The following DOCK1 variants were observed in gnomAD, a reference collection of about 807,000 sequenced individuals.
DOCK1 encodes the protein dedicator of cytokinesis protein 1.
DOCK1 carries 138 observed loss-of-function variants against 262.7 expected under a neutral mutation model. The ratio of observed to expected loss-of-function variants is 0.53; its 90% CI spans 0.46 to 0.61. The LOEUF (loss-of-function observed/expected upper bound fraction) is 0.61, where lower values mean the gene tolerates loss of function less well. Among genes scored for constraint, DOCK1 ranks in the 20% least tolerant of loss-of-function variants. DOCK1 has a pLI of 0.00. For missense variants in DOCK1, 1,908 were observed against 2,370.7 expected (o/e 0.80, Z 4.05); for synonymous variants, 866 against 867.4 (o/e 1.00, Z 0.03).
chr10:126,938,652 G>T (rs2034719271), intron 1 of DOCK1, among the ~76,000 whole-genome samples: 1 of 152,158 alleles, frequency 6.6e-6, no homozygotes, highest in African/African-American at 2.4e-5. Context: ...TGGAGGCTGG[G>T]AAGTCCAAGA....
At chr10:127,272,214 C>T (rs925930289) in intron 29 of DOCK1, 1 of 152,150 alleles carries the variant, frequency 6.6e-6, no homozygotes, top group African/African-American at 2.4e-5. Flanking sequence ...TTGTGTTATT[C>T]GCGTTATTCT....
chr10:126,996,834 C>A lies in DOCK1; in HGVS notation c.560C>A (p.Ala187Asp). 6.2e-7 allele frequency: 1 copy of A among 1,611,750 alleles called. No individual in the cohort carries two copies. Among genetic ancestry groups the A allele is most frequent in the Non-Finnish European group, 8.5e-7 (1 of 1,179,136 alleles). The change falls in exon 7 of 52, where the codon GCT becomes GAT. Residue 187 changes from alanine to aspartate, a missense_variant. This residue lies in a region of DOCK1 where 227 missense variants were observed against 254.1 expected (regional missense o/e 0.89). Coordinates refer to ENST00000623213, the MANE Select transcript of DOCK1 (RefSeq NM_001290223.2). ...ELTSTISLFR[A>D]HEIASKQVEE... ...ACTAGCACGATTAGTCTCTTCAGAG[C>A]TCATGAAATAGCTTCTAAACAAGTG...
chr10:127,036,135 A>G (rs973979923), intron 18 of DOCK1, among the ~76,000 whole-genome samples: 2 of 152,188 alleles, frequency 1.3e-5, no homozygotes, highest in African/African-American at 4.8e-5. Flanking sequence ...AGTGCTTTCT[A>G]CACGTCATGT....
At chr10:126,970,681 T>G in intron 1 of DOCK1, 21 bp from the exon 2 acceptor site, 1 of 1,577,276 alleles carries the variant, frequency 6.3e-7, no homozygotes, top group Non-Finnish European at 8.7e-7. Context: ...TACTAATATA[T>G]TTCCCCTTTT....
At chr10:127,400,116 T>C (rs2067135293) in intron 38 of DOCK1, among the ~76,000 whole-genome samples, 1 of 152,142 alleles carries the variant, frequency 6.6e-6, no homozygotes, top group African/African-American at 2.4e-5. Flanking sequence ...TTCTTTGGGC[T>C]TACTTTTATT....
intron 27 of DOCK1, among the ~76,000 whole-genome samples, chr10:127,142,431 G>A (rs2051354513): frequency 6.6e-6 from 1 of 152,152 alleles, no homozygotes; most frequent in Non-Finnish European, 1.5e-5. Flanking sequence ...GCATGGGCAG[G>A]GGAGTGTCCA....
At chr10:127,395,433 C>T (rs1445433657) in intron 38 of DOCK1, among the ~76,000 whole-genome samples, 1 of 152,152 alleles carries the variant, frequency 6.6e-6, no homozygotes, top group Non-Finnish European at 1.5e-5. Flanking sequence ...CTTCGAAGGC[C>T]TCATCTCCTA....
chr10:126,960,226 C>G (rs942140165), intron 1 of DOCK1, among the ~76,000 whole-genome samples: 2 of 152,028 alleles, frequency 1.3e-5, no homozygotes, highest in Admixed American at 6.6e-5. Flanking sequence ...ACTCCAGGTG[C>G]CAGGCACTGT....
chr10:126,979,458 C>T (rs2038787149), intron 3 of DOCK1, among the ~76,000 whole-genome samples: 2 of 152,188 alleles, frequency 1.3e-5, no homozygotes, highest in African/African-American at 4.8e-5. Flanking sequence ...ACTAATATGC[C>T]CCTCCCCCAT....
At chr10:126,933,077 C>T (rs2134193345) in intron 1 of DOCK1, among the ~76,000 whole-genome samples, 1 of 152,100 alleles carries the variant, frequency 6.6e-6, no homozygotes, top group South Asian at 2.1e-4. Flanking sequence ...GGCCCAGGGC[C>T]AGGGCCTTGA....
intron 27 of DOCK1, among the ~76,000 whole-genome samples, chr10:127,142,072 G>A (rs754026983): frequency 6.6e-6 from 1 of 152,198 alleles, no homozygotes; most frequent in Non-Finnish European, 1.5e-5. Context: ...TAAGGGGAGC[G>A]TGAGAGTTAC....
chr10:127,284,082 C>T (rs2061060727), intron 29 of DOCK1, among the ~76,000 whole-genome samples: 1 of 152,148 alleles, frequency 6.6e-6, no homozygotes, highest in African/African-American at 2.4e-5. Context: ...TAAAACAGTT[C>T]CCAGCCATTT....
chr10:126,911,468 A>G (rs1470814749), intron 1 of DOCK1, among the ~76,000 whole-genome samples: 1 of 152,216 alleles, frequency 6.6e-6, no homozygotes, highest in Non-Finnish European at 1.5e-5. Context: ...GACCGGGCAC[A>G]TGCACCAGTG....
chr10:127,449,779 A>T (rs901292578), intron 51 of DOCK1, among the ~76,000 whole-genome samples: 3 of 152,252 alleles, frequency 2.0e-5, no homozygotes, highest in African/African-American at 7.2e-5. Context: ...ACTCTCATTG[A>T]TCAGCCTCAG....
At chr10:126,939,919 G>C (rs946756529) in intron 1 of DOCK1, among the ~76,000 whole-genome samples, 1 of 152,158 alleles carries the variant, frequency 6.6e-6, no homozygotes, top group East Asian at 1.9e-4. Context: ...TCCTTTGAAG[G>C]CCACGCCTAC....
intron 38 of DOCK1, among the ~76,000 whole-genome samples, chr10:127,391,491 G>C (rs187787959): frequency 4.3e-4 from 65 of 152,262 alleles, no homozygotes; most frequent in Non-Finnish European, 8.1e-4. Flanking sequence ...TATGCGCCTC[G>C]GTGATGTTGT....
intron 14 of DOCK1, among the ~76,000 whole-genome samples, 171 bp from the exon 15 acceptor site, chr10:127,024,514 C>T (rs548518096): frequency 1.3e-5 from 2 of 152,238 alleles, no homozygotes; most frequent in Non-Finnish European, 2.9e-5. Flanking sequence ...TTGGAGCTGG[C>T]CGCTGGCTTC....
At chr10:126,953,034 T>A (rs2036443589) in intron 1 of DOCK1, among the ~76,000 whole-genome samples, 3 of 151,340 alleles carry the variant, frequency 2.0e-5, no homozygotes, top group East Asian at 1.9e-4. Context: ...GTGCTGCTGG[T>A]GGTGGTAGTA....
chr10:126,953,241 G>T (rs1478773074), intron 1 of DOCK1, among the ~76,000 whole-genome samples: 2 of 150,308 alleles, frequency 1.3e-5, no homozygotes, highest in Admixed American at 6.6e-5. Flanking sequence ...AGTAGTGTTG[G>T]TAGTGGTGGT....
Sources: gnomAD v4.1 joint callset for allele counts (sites outside exome capture counted in the v4.1 genomes callset) on GRCh38, gnomAD v4.1.1 for gene constraint, gnomAD v4.1.1 regional missense constraint, MANE v1.5 for transcripts, NCBI Gene and HGNC (gene_info 2026-07-23, HGNC 2026-07-21) for gene names.